Variants in MYT1L observed in about 807,000 individuals in gnomAD.
The protein encoded by MYT1L is myelin transcription factor 1-like protein.
A neutral mutation model predicts 126.7 loss-of-function variants in MYT1L; 12 were observed. The observed-to-expected ratio is 0.09, with a 90% CI of 0.06 to 0.15. The LOEUF is 0.15. MYT1L is among the 10% of genes least tolerant of loss of function. The pLI, the probability that MYT1L is intolerant of heterozygous loss-of-function variation, is 1.00. For missense variants in MYT1L, 979 were observed against 1,585.2 expected (o/e 0.62, Z 6.49); for synonymous variants, 541 against 604.2 (o/e 0.90, Z 1.53).
At chr2:2,070,384 C>T (rs375357806) in intron 3 of MYT1L, among the ~76,000 whole-genome samples, 70 of 152,296 alleles carry the variant, frequency 4.6e-4, no homozygotes, top group African/African-American at 1.5e-3. Flanking sequence ...GCTGTGGGGT[C>T]GCTCAGGGTG....
chr2:1,819,073 CA>C (rs1473910161), intron 21 of MYT1L, among the ~76,000 whole-genome samples: 35 of 152,152 alleles, frequency 2.3e-4, no homozygotes, highest in African/African-American at 8.4e-4. Context: ...AGGTCCCTCT[CA>C]AAGCCTGAGG....
intron 3 of MYT1L, among the ~76,000 whole-genome samples, chr2:2,131,958 A>C (rs935308998): frequency 1.5e-5 from 2 of 136,408 alleles, no homozygotes; most frequent in African/African-American, 2.8e-5. Flanking sequence ...TGCCAGGCTG[A>C]AGTGCAGTGG....
At chr2:2,312,130 G>A (rs1009676462) in intron 1 of MYT1L, among the ~76,000 whole-genome samples, 1 of 152,204 alleles carries the variant, frequency 6.6e-6, no homozygotes, top group Admixed American at 6.5e-5. Flanking sequence ...GGAGAACAAA[G>A]TCGCCTGTGT....
At chr2:1,849,008 C>T (rs942909862) in intron 19 of MYT1L, among the ~76,000 whole-genome samples, 1 of 152,132 alleles carries the variant, frequency 6.6e-6, no homozygotes, top group Non-Finnish European at 1.5e-5. Flanking sequence ...ATCATTTACT[C>T]CAGGCATAGA....
At chr2:2,165,271 TG>T (rs1299840757) in intron 3 of MYT1L, among the ~76,000 whole-genome samples, 2 of 151,700 alleles carry the variant, frequency 1.3e-5, no homozygotes, top group East Asian at 3.9e-4. Flanking sequence ...CAAGTACGGG[TG>T]GGGTACACAA....
intron 17 of MYT1L, among the ~76,000 whole-genome samples, 197 bp from the exon 18 acceptor site, chr2:1,886,804 A>G (rs978067910): frequency 1.3e-5 from 2 of 152,334 alleles, no homozygotes; most frequent in East Asian, 3.9e-4. Context: ...TTAATAAGCA[A>G]TTGTTTAAAA....
intron 1 of MYT1L, chr2:2,326,341 C>T (rs969778019): frequency 6.6e-6 from 1 of 152,384 alleles, no homozygotes; most frequent in Non-Finnish European, 1.5e-5. Flanking sequence ...ACCAGGAACA[C>T]CCTCTTCCAG....
chr2:1,921,483 A>G (rs1014791886), intron 10 of MYT1L, among the ~76,000 whole-genome samples: 4 of 152,226 alleles, frequency 2.6e-5, no homozygotes, highest in Non-Finnish European at 5.9e-5. Context: ...ATACATTGAC[A>G]TATGCAAACA....
intron 4 of MYT1L, among the ~76,000 whole-genome samples, chr2:2,027,323 C>T (rs1310664153): frequency 6.6e-6 from 1 of 152,204 alleles, no homozygotes; most frequent in Non-Finnish European, 1.5e-5. Context: ...GAGCACCCTA[C>T]TCTGTGTTGT....
chr2:1,837,173 G>A (rs2041016656), intron 21 of MYT1L, among the ~76,000 whole-genome samples: 1 of 152,322 alleles, frequency 6.6e-6, no homozygotes, highest in East Asian at 1.9e-4. Flanking sequence ...CCAGAGGCTG[G>A]GGAGTGGGAG....
intron 3 of MYT1L, among the ~76,000 whole-genome samples, chr2:2,140,003 A>T (rs2083705860): frequency 6.6e-6 from 1 of 152,214 alleles, no homozygotes; most frequent in African/African-American, 2.4e-5. Context: ...GCACAACATG[A>T]TATATCACAT....
intron 2 of MYT1L, among the ~76,000 whole-genome samples, chr2:2,238,874 T>C (rs1233680376): frequency 2.0e-5 from 3 of 152,202 alleles, no homozygotes; most frequent in African/African-American, 7.2e-5. Context: ...TCTGGGTAGC[T>C]GATCTGTTTA....
intron 2 of MYT1L, among the ~76,000 whole-genome samples, chr2:2,180,535 T>C (rs1010984328): frequency 1.3e-5 from 2 of 152,080 alleles, no homozygotes; most frequent in Admixed American, 6.5e-5. Flanking sequence ...TACCTGTGTG[T>C]GCACCTGTAT....
At chr2:1,891,901 G>A in intron 15 of MYT1L, 136 bp downstream of exon 15, 1 of 1,395,586 alleles carries the variant, frequency 7.2e-7, no homozygotes, top group South Asian at 1.5e-5. Context: ...ATTGTTCACA[G>A]TGGCGAGAAT....
chr2:2,302,123 C>A (rs544110632), intron 1 of MYT1L, among the ~76,000 whole-genome samples: 1 of 152,210 alleles, frequency 6.6e-6, no homozygotes, highest in African/African-American at 2.4e-5. Context: ...AAGTCCACTT[C>A]ACCACTGGTG....
intron 2 of MYT1L, among the ~76,000 whole-genome samples, chr2:2,235,661 A>C (rs1015130065): frequency 2.0e-5 from 3 of 152,190 alleles, no homozygotes; most frequent in Non-Finnish European, 4.4e-5. Context: ...ATTTGGCAAG[A>C]GTGAACACGC....
chr2:1,982,164 G>C (rs1453260805), intron 5 of MYT1L, among the ~76,000 whole-genome samples: 1 of 152,110 alleles, frequency 6.6e-6, no homozygotes, highest in African/African-American at 2.4e-5. Context: ...AGTGACATGA[G>C]GCAGAGATGA....
chr2:1,879,929 A>G (rs1055937594), intron 18 of MYT1L, among the ~76,000 whole-genome samples: 4 of 152,246 alleles, frequency 2.6e-5, no homozygotes, highest in Admixed American at 2.0e-4. Context: ...TAATTTTGAA[A>G]TGAAAGAATG....
At chr2:2,253,615 T>A (rs189054370) in intron 2 of MYT1L, among the ~76,000 whole-genome samples, 7 of 152,004 alleles carry the variant, frequency 4.6e-5, no homozygotes, top group Non-Finnish European at 1.0e-4. Flanking sequence ...GGCTGAGAGC[T>A]GAGAGGAGAA....
Sources: gnomAD v4.1 joint callset for allele counts (sites outside exome capture counted in the v4.1 genomes callset) on GRCh38, gnomAD v4.1.1 for gene constraint, MANE v1.5 for transcripts, NCBI Gene and HGNC (gene_info 2026-07-23, HGNC 2026-07-21) for gene names.